Variants in CACNA1B observed in about 807,000 individuals in gnomAD.
CACNA1B encodes the protein calcium voltage-gated channel subunit alpha1 B.
In CACNA1B, 70 loss-of-function variants were observed where a neutral mutation model predicts 247.2. The observed-to-expected ratio is 0.28, with a 90% CI of 0.23 to 0.35. The LOEUF is 0.35. CACNA1B is among the 10% of genes least tolerant of loss of function. The pLI is 1.00. For missense variants in CACNA1B, 2,367 were observed against 3,197.4 expected (o/e 0.74, Z 6.26); for synonymous variants, 1,231 against 1,294.4 (o/e 0.95, Z 1.05).
rs1409882343 is a variant in CACNA1B, at chr9:138,006,804, A to G, written c.2012A>G (p.His671Arg). The G allele has an allele frequency of 6.2e-7, 1 of 1,610,974 alleles. No individual in the cohort carries two copies. ...GAGGACTGGAATGCAGTGATGTATC[A>G]CGGGATCGAATCGCAAGGCGGCGTC... The part of the protein sequence containing the change: ...TGEDWNAVMY[H>R]GIESQGGVSK... Residue 671 changes from histidine (H) to arginine (R), a missense_variant, in exon 16 of 47, where the codon CAC becomes CGC. By Grantham distance (29) the His-to-Arg change is conservative. Coordinates refer to ENST00000371372, the MANE Select transcript of CACNA1B (RefSeq NM_000718.4).
Position 137,882,325 on chromosome 9 carries a change from C to T in CACNA1B, c.391-419C>T, listed in dbSNP as rs1956934513. 6.6e-6 allele frequency among the ~76,000 whole-genome samples: 1 copy of T among 152,112 alleles called. No homozygotes were observed. The highest frequency in any genetic ancestry group is 2.4e-5 in the African/African-American group (1 of 41,430). ...CCTCATGGGGTATTAAAGGGCCACC[C>T]TAGTTGATAAAGGAAAAACTACCTG... is the stretch of plus-strand genomic sequence containing the variant. On this transcript the variant is annotated intron_variant, in intron 2 of 46. Transcript: ENST00000371372. This position sits in a 1 kb window ranked among gnomAD's most constrained non-coding sequence, Gnocchi z 4.0.
At chr9:138,068,936 G>A (rs1960026878) in intron 31 of CACNA1B, among the ~76,000 whole-genome samples, 1 of 152,232 alleles carries the variant, frequency 6.6e-6, no homozygotes, top group Non-Finnish European at 1.5e-5. Context: ...CCTCAGCTGC[G>A]AGACAGTCGA....
chr9:137,948,885 GTGTC>G (rs985900635), intron 6 of CACNA1B, among the ~76,000 whole-genome samples: 15 of 149,978 alleles, frequency 1.0e-4, no homozygotes, highest in African/African-American at 3.0e-4. Flanking sequence ...TGTGGTGTGT[GTGTC>G]TGATGTGTGT....
At chr9:137,929,071 A>G (rs1341400164) in intron 6 of CACNA1B, among the ~76,000 whole-genome samples, 2 of 152,182 alleles carry the variant, frequency 1.3e-5, no homozygotes, top group African/African-American at 4.8e-5. Flanking sequence ...TTTGCAAGGA[A>G]TATGTTTTCA....
intron 5 of CACNA1B, among the ~76,000 whole-genome samples, chr9:137,916,470 C>T (rs911713848): frequency 1.4e-4 from 21 of 152,160 alleles, no homozygotes; most frequent in African/African-American, 4.8e-4. Context: ...TTTCTCTGGT[C>T]CCTGGCTGCC....
At chr9:138,077,167 C>T (rs1296912328) in intron 35 of CACNA1B, among the ~76,000 whole-genome samples, 1 of 152,208 alleles carries the variant, frequency 6.6e-6, no homozygotes, top group African/African-American at 2.4e-5. Flanking sequence ...CCTGCAGGAA[C>T]CCCCCTGCCT....
chr9:138,093,755 A>T (rs1306924832), intron 36 of CACNA1B, among the ~76,000 whole-genome samples: 1 of 151,972 alleles, frequency 6.6e-6, no homozygotes, highest in Non-Finnish European at 1.5e-5. Context: ...AAAAACTAAT[A>T]AATTAATTAA....
chr9:137,987,699 T>C (rs1958383236), intron 15 of CACNA1B, among the ~76,000 whole-genome samples: 1 of 152,094 alleles, frequency 6.6e-6, no homozygotes, highest in Non-Finnish European at 1.5e-5. Flanking sequence ...TCGGTCCCAC[T>C]CTCTCGAAGG....
chr9:138,061,576 G>A (rs983670165), intron 31 of CACNA1B, among the ~76,000 whole-genome samples: 14 of 152,176 alleles, frequency 9.2e-5, no homozygotes, highest in Non-Finnish European at 1.8e-4. Context: ...AAGTGGTGTT[G>A]CGTTAGATGA....
At chr9:137,978,814 G>A (rs1958259864) in intron 12 of CACNA1B, among the ~76,000 whole-genome samples, 1 of 152,146 alleles carries the variant, frequency 6.6e-6, no homozygotes, top group Non-Finnish European at 1.5e-5. Flanking sequence ...GGAGTCAGTG[G>A]GTGAGCCTGG....
chr9:137,983,843 G>C (rs1285885878), intron 12 of CACNA1B, among the ~76,000 whole-genome samples: 1 of 144,726 alleles, frequency 6.9e-6, no homozygotes, highest in Non-Finnish European at 1.5e-5. Flanking sequence ...AGGTCTGCCA[G>C]GAAGCCAGCA....
At chr9:137,937,945 C>T (rs1346544063) in intron 6 of CACNA1B, among the ~76,000 whole-genome samples, 1 of 45,712 alleles carries the variant, frequency 2.2e-5, no homozygotes, top group Non-Finnish European at 3.6e-5. Context: ...GAAACTCTGT[C>T]TCAAAAAAAA....
intron 6 of CACNA1B, among the ~76,000 whole-genome samples, chr9:137,918,157 C>T (rs965618943): frequency 6.6e-6 from 1 of 152,146 alleles, no homozygotes; most frequent in Admixed American, 6.5e-5. Context: ...CCTGTCTCTG[C>T]AGTTTACGGC....
In CACNA1B at chr9:138,078,232, T is replaced by A; in HGVS notation, c.5068T>A (p.Ser1690Thr). The A allele has an allele frequency of 1.2e-6, 2 of 1,613,994 alleles. No homozygotes were observed. The highest frequency in any genetic ancestry group is 1.7e-6 in the Non-Finnish European group (2 of 1,179,874). ...GSDFAYFYFVSFIFLCSFLML... is the reference protein window; with the variant it reads ...GSDFAYFYFVTFIFLCSFLML... ...TGACTTTGCCTACTTCTACTTCGTC[T>A]CCTTCATCTTCCTGTGCTCCTTTCT... Residue 1690 changes from serine (S) to threonine (T), a missense_variant, in exon 36 of 47, where the codon TCC (serine) becomes ACC (threonine). By Grantham distance (58) the Ser-to-Thr change is moderately conservative. Around this residue, in one of 12 missense-constraint regions of CACNA1B, gnomAD observed 436 missense variants for 679.5 expected, o/e 0.64. Coordinates refer to ENST00000371372, the MANE Select transcript of CACNA1B (RefSeq NM_000718.4).
chr9:138,046,386 C>T lies in CACNA1B; in HGVS notation c.3414-518C>T, dbSNP rs183797957. Among the ~76,000 whole-genome samples the T allele has an allele frequency of 3.4e-3, 516 of 152,320 alleles. 2 individuals carry two copies. Among genetic ancestry groups the T allele is most frequent in the African/African-American group, 0.012 (482 of 41,572 alleles). On this transcript the variant is annotated intron_variant, in intron 21 of 46. Transcript: ENST00000371372. The stretch of plus-strand genomic sequence containing the variant: ...GGGAGCCTGGACAGGGCACACACCC[C>T]GCACAGGCCCCAGAGAACTTTCCTA...
intron 34 of CACNA1B, 109 bp from the exon 35 acceptor site, chr9:138,075,710 A>G: frequency 2.9e-6 from 2 of 690,020 alleles, no homozygotes; most frequent in Non-Finnish European, 2.6e-6. Context: ...GCAGTCGCCC[A>G]TCTCACGTGG....
rs544733003 is a variant in CACNA1B at position 137,924,349 on chromosome 9, C to T, written c.966+6918C>T. On this transcript the variant is annotated intron_variant, in intron 6 of 46. Coordinates refer to ENST00000371372, the MANE Select transcript of CACNA1B (RefSeq NM_000718.4). ...CCTCCCTCCCTTCCTTCCTCCTTCC[C>T]TCCCTCCTTCCCTCCCTCTTTCCCC... Among the ~76,000 whole-genome samples the T allele has an allele frequency of 1.7e-4, 25 of 150,486 alleles. No homozygotes were observed. The East Asian group carries it at 4.3e-3, about 26-fold the overall frequency.
rs557981522 is a variant in CACNA1B, at chr9:137,915,822, T to TA, written c.775+1031dup. 7.5e-3 allele frequency among the ~76,000 whole-genome samples: 985 copies of TA among 130,734 alleles called. 6 individuals are homozygous for TA. Among genetic ancestry groups the TA allele is most frequent in the South Asian group, 0.026 (107 of 4,172 alleles). The allele number at this position is 130,734 out of a possible 152,430, so 85.8% of individuals were successfully genotyped here. On this transcript the variant is annotated intron_variant, in intron 5 of 46. Transcript: ENST00000371372. ...TCATGAGACAAGAAAAAGAAAAAGT[T>TA]AAAAAAAAAAAAAAAGAACTGGAAA...
At chr9:138,095,293 A>G (rs1370870248) in intron 36 of CACNA1B, among the ~76,000 whole-genome samples, 1 of 152,216 alleles carries the variant, frequency 6.6e-6, no homozygotes, top group Admixed American at 6.5e-5. Context: ...TTTAAATGGC[A>G]GGGGATAAGA....
Sources: allele counts gnomAD v4.1 joint callset (sites outside exome capture counted in the v4.1 genomes callset), GRCh38; gene constraint gnomAD v4.1.1; regional missense constraint gnomAD v4.1.1; non-coding constraint Gnocchi (gnomAD v3.1); transcripts MANE v1.5; gene names NCBI Gene and HGNC (gene_info 2026-07-23, HGNC 2026-07-21).